The following USP9X variants were observed in gnomAD, a reference collection of about 807,000 sequenced individuals.
USP9X encodes ubiquitin specific peptidase 9 X-linked.
In USP9X, 7 loss-of-function variants were observed where a neutral mutation model predicts 190.3. That is an observed-to-expected ratio of 0.04 (90% CI 0.02 to 0.07). The LOEUF (loss-of-function observed/expected upper bound fraction) is 0.07, where lower values mean the gene tolerates loss of function less well. Among genes scored for constraint, USP9X ranks in the 10% least tolerant of loss-of-function variants. The pLI is 1.00. For synonymous variants in USP9X, 645 were observed against 659.5 expected, an observed-to-expected ratio of 0.98 and a Z score of 0.34; for missense variants, 1,010 against 1,916.9, an observed-to-expected ratio of 0.53 and a Z score of 8.83.
At chrX:41,208,334 A>G (rs1327338592) in intron 32 of USP9X, among the ~76,000 whole-genome samples, 2 of 112,193 alleles carry the variant, frequency 1.8e-5, no homozygotes, top group Admixed American at 1.9e-4. Context: ...TGAGGCTTAC[A>G]CTTTTTAAAC....
chrX:41,230,357 T>C (rs2063350035), intron 43 of USP9X, 144 bp from the exon 44 acceptor site: 3 of 463,306 alleles, frequency 6.5e-6, no homozygotes, highest in Non-Finnish European at 1.1e-5. Flanking sequence ...TTTTGTTTTT[T>C]CCCCAAGTTC....
Position 41,090,039 on chromosome X carries a change from G to A in USP9X, c.-159+3930G>A, listed in dbSNP as rs192092506. Among the ~76,000 whole-genome samples the A allele has an allele frequency of 1.3e-4, 14 of 104,743 alleles. No homozygotes were observed. In the East Asian group the frequency reaches 2.7e-3, roughly 20 times the overall value. The allele number at this position is 104,743 out of a possible 115,157, so 91.0% of individuals were successfully genotyped here. ...TCTCCCCTTAGTCTCCTGAGTAGCC[G>A]GGACTACAGGTGCTCCCATGCCTGG... is the stretch of plus-strand genomic sequence containing the variant. On this transcript the variant is annotated intron_variant, in intron 1 of 44. Transcript: ENST00000378308.
chrX:41,217,117 C>G (rs1262392327), intron 35 of USP9X, 103 bp from the exon 36 acceptor site: 2 of 952,984 alleles, frequency 2.1e-6, no homozygotes, highest in Non-Finnish European at 2.8e-6. Context: ...GAGAAGGGTT[C>G]TTAACAAATT....
intron 2 of USP9X, among the ~76,000 whole-genome samples, chrX:41,125,073 G>A (rs1431520144): frequency 9.0e-6 from 1 of 111,404 alleles, no homozygotes; most frequent in Non-Finnish European, 1.9e-5. Flanking sequence ...AGTTTTAATT[G>A]AAGATCCATT....
intron 1 of USP9X, among the ~76,000 whole-genome samples, chrX:41,093,658 A>C (rs2061969527): frequency 8.9e-6 from 1 of 112,306 alleles, no homozygotes; most frequent in South Asian, 3.7e-4. Context: ...GGAGGTCTTA[A>C]ATATCCTTGA....
intron 1 of USP9X, among the ~76,000 whole-genome samples, chrX:41,098,586 C>A (rs187327375): frequency 5.1e-4 from 56 of 110,586 alleles, no homozygotes; most frequent in African/African-American, 1.8e-3. Flanking sequence ...GAGATGGAGT[C>A]TTGCTCTGTT....
chrX:41,203,708 A>AT (rs1289178340), intron 31 of USP9X, among the ~76,000 whole-genome samples: 1 of 109,659 alleles, frequency 9.1e-6, no homozygotes, highest in African/African-American at 3.3e-5. Context: ...ATTATTTATT[A>AT]TTTTTTTCAG....
In USP9X at chrX:41,225,099, G is replaced by A. The variant is rs757426441; in HGVS notation, c.7023G>A (p.Leu2341=). The A allele has an allele frequency of 1.7e-5, 21 of 1,211,707 alleles. No homozygotes were observed. The South Asian group carries it at 3.5e-4, about 20-fold the overall frequency. The stretch of plus-strand genomic sequence containing the variant: ...TGCGGCCCTATTTGGATCTGCTTTT[G>A]CAAATCTTACTGATTGAGGACTCCT... ...YELRPYLDLL[L]QILLIEDSWQ... The change falls in exon 41 of 45, where the codon TTG becomes TTA. Residue 2341 remains leucine (L), a synonymous_variant. Transcript: ENST00000378308.
intron 3 of USP9X, among the ~76,000 whole-genome samples, chrX:41,130,137 G>T (rs1481256815): frequency 1.8e-5 from 2 of 111,388 alleles, no homozygotes; most frequent in Admixed American, 9.5e-5. Context: ...ATAAATAGAG[G>T]ATTCTTACTA....
intron 1 of USP9X, among the ~76,000 whole-genome samples, chrX:41,101,682 T>A (rs1340179467): frequency 9.1e-6 from 1 of 109,922 alleles, no homozygotes; most frequent in African/African-American, 3.3e-5. Context: ...AAAAATAAAT[T>A]AAAAAAAATA....
Position 41,223,234 on chromosome X carries a change from C to G in USP9X, c.6583C>G (p.Gln2195Glu), listed in dbSNP as rs2039292500. 8.3e-7 allele frequency: 1 copy of G among 1,209,396 alleles called. No homozygotes were observed. The highest frequency in any genetic ancestry group is 1.8e-5 in the African/African-American group (1 of 57,129). ...YANLGVAEKT[Q>E]LLKLSVPATF... ...TGTTGTAGGTGTGGCAGAGAAGACA[C>G]AGCTTCTGAAATTGAGTGTACCTGC... is the stretch of plus-strand genomic sequence containing the variant. Residue 2195 changes from glutamine (Q) to glutamate (E), a missense_variant, in exon 39 of 45, where the codon CAG (glutamine) becomes GAG (glutamate). Gln to Glu is a conservative substitution (Grantham distance 29). Around this residue, in one of 11 missense-constraint regions of USP9X, gnomAD observed 121 missense variants for 281.2 expected, o/e 0.43. Coordinates refer to ENST00000378308, the MANE Select transcript of USP9X (RefSeq NM_001039591.3).
chrX:41,186,301 A>G (rs916347912), intron 23 of USP9X, among the ~76,000 whole-genome samples: 12 of 111,479 alleles, frequency 1.1e-4, no homozygotes, highest in Non-Finnish European at 2.1e-4. Context: ...TGATTGCTCT[A>G]GAATGGGGAT....
In USP9X at chrX:41,198,593, G is replaced by A. The variant is rs764206321; in HGVS notation, c.4446G>A (p.Glu1482=). 5 of 1,211,357 alleles carry A rather than the reference G, an allele frequency of 4.1e-6. No homozygotes were observed. The highest frequency in any genetic ancestry group is 5.6e-6 in the Non-Finnish European group (5 of 895,291). Residue 1482 remains glutamate (E), a synonymous_variant, in exon 30 of 45, where the codon GAG becomes GAA. Coordinates refer to ENST00000378308, the MANE Select transcript of USP9X (RefSeq NM_001039591.3). ...ACCTACAGTATATGAGAAATGGAGA[G>A]CTTCCAGCTGAACAGGCTATTCCGG... The part of the protein sequence containing the change: ...NVYLQYMRNG[E]LPAEQAIPVC...
chrX:41,136,442 G>A (rs1056583399), intron 5 of USP9X, among the ~76,000 whole-genome samples: 5 of 112,611 alleles, frequency 4.4e-5, no homozygotes, highest in African/African-American at 1.6e-4. Context: ...ATTAACAGGC[G>A]TGAGCCACTG....
At chrX:41,164,372 T>G (rs1302098722) in intron 15 of USP9X, among the ~76,000 whole-genome samples, 1 of 110,909 alleles carries the variant, frequency 9.0e-6, no homozygotes, top group African/African-American at 3.3e-5. Context: ...TGTGTTTTGT[T>G]TTTAACCACC....
intron 26 of USP9X, among the ~76,000 whole-genome samples, chrX:41,194,734 A>G (rs906753556): frequency 5.4e-5 from 6 of 111,194 alleles, no homozygotes; most frequent in Non-Finnish European, 1.1e-4. Context: ...GACCTTTGGC[A>G]TCAAGAAAGC....
chrX:41,181,392 C>G (rs1168700986), intron 21 of USP9X, among the ~76,000 whole-genome samples: 4 of 96,173 alleles, frequency 4.2e-5, no homozygotes, highest in Non-Finnish European at 8.2e-5. Context: ...GAGGCTCCTG[C>G]CTAAGAGTAG....
rs1569200069 is a variant in USP9X, at chrX:41,218,282, C to T, written c.6210-90C>T. 8 of 789,401 alleles carry T rather than the reference C, an allele frequency of 1.0e-5. No homozygotes were observed. The Admixed American group carries it at 2.1e-4, about 21-fold the overall frequency. 65.1% of individuals were successfully genotyped at this position (789,401 alleles called of 1,213,427 possible). ...TCCAGCAGTAGAGGAAGATCTTTGT[C>T]TTTTTTTTTTGGTTCAATGAGACTC... On this transcript the variant is annotated intron_variant, in intron 36 of 44. Transcript: ENST00000378308.
At chrX:41,161,290 A>G (rs1446588854) in intron 14 of USP9X, among the ~76,000 whole-genome samples, 4 of 101,285 alleles carry the variant, frequency 3.9e-5, no homozygotes, top group Middle Eastern at 5.5e-3. Context: ...GATGTAAACA[A>G]TTGGTGAATA....
Sources: gnomAD v4.1 joint callset for allele counts (sites outside exome capture counted in the v4.1 genomes callset) on GRCh38, gnomAD v4.1.1 for gene constraint, gnomAD v4.1.1 regional missense constraint, MANE v1.5 for transcripts, NCBI Gene and HGNC (gene_info 2026-07-23, HGNC 2026-07-21) for gene names.